Variants in CNTN4 observed in about 807,000 individuals in gnomAD.
The protein encoded by CNTN4 is contactin-4.
Under a neutral mutation model 122.5 loss-of-function variants are expected in CNTN4, and 77 were observed. The observed-to-expected ratio is 0.63, with a 90% CI of 0.52 to 0.76. CNTN4 has a LOEUF of 0.76. Among genes scored for constraint, CNTN4 ranks in the 30% least tolerant of loss-of-function variants. CNTN4 has a pLI of 0.00. For missense variants in CNTN4, 1,256 were observed against 1,259.1 expected (o/e 1.00, Z 0.04); for synonymous variants, 512 against 447.0 (o/e 1.15, Z -1.83).
chr3:2,161,946 A>G (rs1283264244), intron 2 of CNTN4, among the ~76,000 whole-genome samples: 3 of 152,176 alleles, frequency 2.0e-5, no homozygotes, highest in South Asian at 4.1e-4. Context: ...TTTGACATAA[A>G]TTGATTGATT....
chr3:2,627,631 A>T (rs2600314), intron 4 of CNTN4, among the ~76,000 whole-genome samples: 43 of 151,656 alleles, frequency 2.8e-4, no homozygotes, highest in African/African-American at 6.3e-4. Context: ...GTAGTTGGGA[A>T]TACAGGTGCC....
chr3:2,811,603 T>C (rs962274313), intron 6 of CNTN4, among the ~76,000 whole-genome samples: 2 of 149,990 alleles, frequency 1.3e-5, no homozygotes, highest in African/African-American at 4.9e-5. Context: ...TGGGACTACA[T>C]ATGTGCCCGA....
At chr3:2,608,628 C>G (rs577782243) in intron 4 of CNTN4, among the ~76,000 whole-genome samples, 132 of 152,096 alleles carry the variant, frequency 8.7e-4, no homozygotes, top group Non-Finnish European at 1.5e-3. Context: ...ATTACAGGCA[C>G]GTGCCACCAT....
At chr3:2,679,241 C>A (rs760132219) in intron 4 of CNTN4, among the ~76,000 whole-genome samples, 3 of 152,106 alleles carry the variant, frequency 2.0e-5, no homozygotes, top group Admixed American at 2.0e-4. Context: ...TAACACTAAT[C>A]ATTGGAGATA....
At chr3:2,833,654 G>A (rs2093151756) in intron 7 of CNTN4, among the ~76,000 whole-genome samples, 1 of 152,060 alleles carries the variant, frequency 6.6e-6, no homozygotes, top group African/African-American at 2.4e-5. Flanking sequence ...TGTTTACTGG[G>A]AGCTGCCACA....
At chr3:2,125,894 GGTGTGTGTGTGT>G (rs61706367) in intron 2 of CNTN4, among the ~76,000 whole-genome samples, 6 of 143,374 alleles carry the variant, frequency 4.2e-5, no homozygotes, top group Admixed American at 1.4e-4. Flanking sequence ...TTTTATTTCT[GGTGTGTGTGTGT>G]GTGTGTGTGT....
At chr3:2,722,695 G>T (rs996257746) in intron 4 of CNTN4, among the ~76,000 whole-genome samples, 5 of 152,050 alleles carry the variant, frequency 3.3e-5, no homozygotes, top group Non-Finnish European at 7.4e-5. Context: ...TCACAGAAAG[G>T]GTTTTTGCTT....
intron 13 of CNTN4, among the ~76,000 whole-genome samples, chr3:2,936,784 T>C (rs1487538894): frequency 6.6e-6 from 1 of 152,202 alleles, no homozygotes; most frequent in East Asian, 1.9e-4. Context: ...GTTTTACATT[T>C]TTAAATGGTA....
In CNTN4 at chr3:2,244,988, A is replaced by G. The variant is rs77545250; in HGVS notation, c.-144-94190A>G. Among the ~76,000 whole-genome samples the G allele has an allele frequency of 1.0e-2, 1,518 of 152,206 alleles. 13 individuals carry two copies. Among genetic ancestry groups the G allele is most frequent in the Non-Finnish European group, 0.015 (1,006 of 67,958 alleles). On this transcript the variant is annotated intron_variant, in intron 2 of 24. Transcript: ENST00000418658. ...GAAGGCTTAATCAACCTACTGTAAT[A>G]TTTTAATTAAAAATCATTCTAACGT...
chr3:2,440,960 T>A (rs2048419201), intron 3 of CNTN4, among the ~76,000 whole-genome samples: 1 of 149,600 alleles, frequency 6.7e-6, no homozygotes, highest in African/African-American at 2.4e-5. Flanking sequence ...TTCACACACA[T>A]ATATATTTCT....
intron 4 of CNTN4, among the ~76,000 whole-genome samples, chr3:2,588,150 C>T (rs960820053): frequency 1.3e-5 from 2 of 151,948 alleles, no homozygotes; most frequent in African/African-American, 4.8e-5. Context: ...AAGATAAAGA[C>T]AACAGAAACA....
chr3:2,616,544 G>A (rs148044974), intron 4 of CNTN4, among the ~76,000 whole-genome samples: 5,276 of 152,220 alleles, frequency 0.035, 133 homozygotes, highest in Admixed American at 0.049. Flanking sequence ...GATCCTTGAG[G>A]AATCGCCACA....
chr3:2,447,100 G>C (rs945698428), intron 3 of CNTN4, among the ~76,000 whole-genome samples: 1 of 152,038 alleles, frequency 6.6e-6, no homozygotes, highest in Non-Finnish European at 1.5e-5. Flanking sequence ...TCTACTAACT[G>C]CCTTCTATTA....
At chr3:2,789,206 C>T (rs1040098270) in intron 6 of CNTN4, among the ~76,000 whole-genome samples, 1 of 152,206 alleles carries the variant, frequency 6.6e-6, no homozygotes, top group African/African-American at 2.4e-5. Context: ...GAAATTTTGA[C>T]TTCTCCTATT....
chr3:2,383,334 G>GTGATGATGATGATGATGA (rs1413028731), intron 3 of CNTN4, among the ~76,000 whole-genome samples: 1 of 152,000 alleles, frequency 6.6e-6, no homozygotes, highest in Admixed American at 6.6e-5. Context: ...ACCATTTATA[G>GTGATGATGATGATGATGA]TGATGATGAT....
chr3:2,346,256 T>G (rs1243955877), intron 3 of CNTN4, among the ~76,000 whole-genome samples: 1 of 152,124 alleles, frequency 6.6e-6, no homozygotes, highest in Non-Finnish European at 1.5e-5. Context: ...AATTTTAACC[T>G]TAGCAAAGTC....
intron 15 of CNTN4, among the ~76,000 whole-genome samples, chr3:3,030,502 A>C (rs1471872058): frequency 2.0e-5 from 3 of 152,198 alleles, no homozygotes; most frequent in Non-Finnish European, 4.4e-5. Flanking sequence ...ACGCCAACCA[A>C]GGCCATAGGC....
intron 3 of CNTN4, among the ~76,000 whole-genome samples, chr3:2,400,430 T>TATATATATAC (rs1553640941): frequency 6.4e-4 from 44 of 68,550 alleles, no homozygotes; most frequent in Middle Eastern, 7.8e-3. Context: ...TATATATACA[T>TATATATATAC]ATATATATAT....
rs1241178169 is a variant in CNTN4 at position 3,042,986 on chromosome 3, T to C, written c.2521T>C (p.Trp841Arg). 1 of 1,613,644 alleles carries C rather than the reference T, an allele frequency of 6.2e-7. No individual in the cohort carries two copies. The highest frequency in any genetic ancestry group is 2.2e-5 in the East Asian group (1 of 44,876). The change falls in exon 22 of 25, where the codon TGG becomes CGG. Residue 841 changes from tryptophan (W) to arginine (R), a missense_variant. Coordinates refer to ENST00000418658, the MANE Select transcript of CNTN4 (RefSeq NM_175607.3). ...GRIQGYEVKYWRHEDKEENAR... is the reference protein window; with the variant it reads ...GRIQGYEVKYRRHEDKEENAR... The stretch of plus-strand genomic sequence containing the variant: ...CTGTTTATCTTCTTAGGTTAAATAT[T>C]GGAGACATGAAGACAAAGAAGAAAA...
Sources: gnomAD v4.1 joint callset for allele counts (sites outside exome capture counted in the v4.1 genomes callset) on GRCh38, gnomAD v4.1.1 for gene constraint, MANE v1.5 for transcripts, NCBI Gene and HGNC (gene_info 2026-07-23, HGNC 2026-07-21) for gene names.